The following RPRD1B variants were observed in gnomAD, a reference collection of about 807,000 sequenced individuals.
RPRD1B encodes regulation of nuclear pre-mRNA domain containing 1B, also known as regulation of nuclear pre-mRNA domain-containing protein 1B.
A neutral mutation model predicts 41.5 loss-of-function variants in RPRD1B; 11 were observed. The ratio of observed to expected loss-of-function variants is 0.27; its 90% CI spans 0.17 to 0.44. The LOEUF is 0.44. Among genes scored for constraint, RPRD1B ranks in the 20% least tolerant of loss-of-function variants. The pLI is 1.00. For missense variants in RPRD1B, 248 were observed against 389.9 expected (o/e 0.64, Z 3.06); for synonymous variants, 158 against 155.6 (o/e 1.02, Z -0.12).
At position 38,074,978 on chromosome 20, in the gene RPRD1B, A is replaced by G. The variant is rs539751739; in HGVS notation, c.831+8722A>G. ...ATTTTTCCTTGTAAATAAAAACTTT[A>G]TAAACATTGTAAATGATTGCTTGAA... On this transcript the variant is annotated intron_variant, in intron 6 of 6. Coordinates refer to ENST00000373433, the MANE Select transcript of RPRD1B (RefSeq NM_021215.4). 8.1e-4 allele frequency among the ~76,000 whole-genome samples: 123 copies of G among 152,368 alleles called. 1 individual carries two copies. Among genetic ancestry groups the G allele is most frequent in the Admixed American group, 3.5e-3 (54 of 15,306 alleles).
At chr20:38,044,057 CAG>C (rs1219722170) in intron 2 of RPRD1B, among the ~76,000 whole-genome samples, 1 of 152,160 alleles carries the variant, frequency 6.6e-6, no homozygotes, top group African/African-American at 2.4e-5. Context: ...GAATGACTCA[CAG>C]GGCTCATCAT....
intron 3 of RPRD1B, among the ~76,000 whole-genome samples, chr20:38,056,124 C>A (rs1330363006): frequency 1.3e-5 from 2 of 152,192 alleles, no homozygotes; most frequent in Non-Finnish European, 2.9e-5. Context: ...TGATGGCTCA[C>A]ACCTGTAATC....
Position 38,089,755 on chromosome 20 carries a change from C to G in RPRD1B, c.861C>G (p.Thr287=), listed in dbSNP as rs1368104288. ...EEYKQKLARV[T]QVRKELKSHI... ...ACAAACAGAAGCTTGCACGAGTAAC[C>G]CAGGTCCGCAAGGAACTGAAATCCC... is the stretch of plus-strand genomic sequence containing the variant. Residue 287 remains threonine (T), a synonymous_variant, in exon 7 of 7, where the codon ACC becomes ACG. Transcript: ENST00000373433. The G allele has an allele frequency of 6.2e-7, 1 of 1,613,986 alleles. No individual in the cohort carries two copies. The highest frequency in any genetic ancestry group is 2.2e-5 in the East Asian group (1 of 44,884).
At chr20:38,074,057 C>G (rs565624781) in intron 6 of RPRD1B, among the ~76,000 whole-genome samples, 4 of 152,320 alleles carry the variant, frequency 2.6e-5, no homozygotes, top group Admixed American at 2.0e-4. Context: ...AATTACGGGG[C>G]CTTGCACTCA....
chr20:38,085,225 T>C (rs1316712914), intron 6 of RPRD1B, among the ~76,000 whole-genome samples: 1 of 151,918 alleles, frequency 6.6e-6, no homozygotes, highest in Non-Finnish European at 1.5e-5. Context: ...AGTGCGCTGG[T>C]GGGGAGAGGA....
At chr20:38,085,030 G>A (rs964024669) in intron 6 of RPRD1B, among the ~76,000 whole-genome samples, 1 of 152,136 alleles carries the variant, frequency 6.6e-6, no homozygotes, top group Non-Finnish European at 1.5e-5. Flanking sequence ...GGTACTTGCC[G>A]CTGAATGGAA....
chr20:38,073,186 T>A (rs1275110433), intron 6 of RPRD1B, among the ~76,000 whole-genome samples: 1 of 152,186 alleles, frequency 6.6e-6, no homozygotes. Context: ...AATCTTGTTG[T>A]AGAGAAATGA....
intron 2 of RPRD1B, among the ~76,000 whole-genome samples, chr20:38,045,104 C>G (rs1035685457): frequency 6.6e-6 from 1 of 152,140 alleles, no homozygotes; most frequent in Admixed American, 6.5e-5. Flanking sequence ...GTTTTGCTAT[C>G]TGTATTGAAA....
intron 6 of RPRD1B, among the ~76,000 whole-genome samples, chr20:38,085,868 G>A (rs2074556460): frequency 6.7e-6 from 1 of 149,340 alleles, no homozygotes; most frequent in South Asian, 2.1e-4. Context: ...TTGAGACAGG[G>A]TCTCACTCTC....
intron 5 of RPRD1B, among the ~76,000 whole-genome samples, chr20:38,065,307 G>A (rs1180932784): frequency 1.3e-5 from 2 of 152,026 alleles, no homozygotes; most frequent in Non-Finnish European, 2.9e-5. Context: ...TGGCGGGGAG[G>A]GGGTCTTAGT....
intron 2 of RPRD1B, 105 bp from the exon 3 acceptor site, chr20:38,048,243 A>T: frequency 8.2e-7 from 1 of 1,213,582 alleles, no homozygotes; most frequent in Non-Finnish European, 1.1e-6. Flanking sequence ...TAAATGTGTA[A>T]ATCATTTAGT....
At chr20:38,056,840 T>C (rs1470339924) in intron 3 of RPRD1B, among the ~76,000 whole-genome samples, 1 of 152,258 alleles carries the variant, frequency 6.6e-6, no homozygotes, top group Non-Finnish European at 1.5e-5. Context: ...TGTTTGGCAT[T>C]TATTTTGTAT....
intron 1 of RPRD1B, among the ~76,000 whole-genome samples, chr20:38,039,895 G>A (rs1476980370): frequency 3.3e-5 from 5 of 150,470 alleles, no homozygotes; most frequent in African/African-American, 1.2e-4. Context: ...CATCACACCC[G>A]GCTAATTTTT....
Position 38,040,418 on chromosome 20 carries a change from T to C in RPRD1B, c.152-17T>C. On this transcript the variant is annotated splice_polypyrimidine_tract_variant and intron_variant, in intron 1 of 6. Coordinates refer to ENST00000373433, the MANE Select transcript of RPRD1B (RefSeq NM_021215.4). The stretch of plus-strand genomic sequence containing the variant: ...TTCTTTGGTGTAAGTTAAATTCTTT[T>C]CTTTTCTTTTTTTCAGCCAAATCAA... 1 of 1,572,794 alleles carries C rather than the reference T, an allele frequency of 6.4e-7. No individual in the cohort carries two copies.
At chr20:38,040,678 G>A in intron 2 of RPRD1B, 114 bp downstream of exon 2, 2 of 1,137,772 alleles carry the variant, frequency 1.8e-6, no homozygotes, top group Non-Finnish European at 2.4e-6. Flanking sequence ...TTTACAGAGA[G>A]TTGTGGAGGC....
chr20:38,088,163 G>A (rs1476174859), intron 6 of RPRD1B, among the ~76,000 whole-genome samples: 1 of 152,172 alleles, frequency 6.6e-6, no homozygotes. Context: ...CAGTAATGGG[G>A]AGAGGATATG....
chr20:38,052,016 G>T (rs1445624389), intron 3 of RPRD1B, among the ~76,000 whole-genome samples: 3 of 152,184 alleles, frequency 2.0e-5, no homozygotes, highest in Admixed American at 6.5e-5. Context: ...CTCCCAAAAT[G>T]GCAGGATTAC....
intron 5 of RPRD1B, chr20:38,065,840 G>A (rs967338093): frequency 2.8e-6 from 1 of 362,654 alleles, no homozygotes; most frequent in Non-Finnish European, 4.9e-6. Context: ...GAAAGCCTTT[G>A]CCAGATTCCC....
rs1389606937 is a variant in RPRD1B at position 38,033,941 on chromosome 20, C to G, written c.-7C>G. 1 of 1,605,310 alleles carries G rather than the reference C, an allele frequency of 6.2e-7. No homozygotes were observed. Among genetic ancestry groups the G allele is most frequent in the Admixed American group, 1.7e-5 (1 of 59,050 alleles). ...GCCGCTCCCTGCCGGGCCTCACTGC[C>G]GCCACCATGTCCTCCTTCTCTGAGT... On this transcript the variant is annotated 5_prime_UTR_variant, in exon 1 of 7. Coordinates refer to ENST00000373433, the MANE Select transcript of RPRD1B (RefSeq NM_021215.4).
Sources: gnomAD v4.1 joint callset for allele counts (sites outside exome capture counted in the v4.1 genomes callset) on GRCh38, gnomAD v4.1.1 for gene constraint, MANE v1.5 for transcripts, NCBI Gene and HGNC (gene_info 2026-07-23, HGNC 2026-07-21) for gene names.